Variants in RFT1 observed in about 807,000 individuals in gnomAD.
RFT1 encodes man(5)GlcNAc(2)-PP-dolichol translocation protein RFT1.
In RFT1, 43 loss-of-function variants were observed where a neutral mutation model predicts 62.2. The ratio of observed to expected loss-of-function variants is 0.69; its 90% CI spans 0.54 to 0.89. RFT1 has a LOEUF of 0.89. RFT1 is among the 40% of genes least tolerant of loss of function. The probability of loss-of-function intolerance (pLI) is 0.00; values close to 1 mark genes in which losing one functional copy is unlikely to be tolerated. For synonymous variants in RFT1, 262 were observed against 264.6 expected (o/e 0.99, Z 0.10); for missense variants, 605 against 649.9 (o/e 0.93, Z 0.75).
At position 53,122,573 on chromosome 3, in the gene RFT1, G is replaced by A; in HGVS notation, c.267-10C>T. On this transcript the variant is annotated splice_polypyrimidine_tract_variant and intron_variant, in intron 3 of 12. Transcript: ENST00000296292. ...CACACCCAGGGGGACTCTAGAAGAG[G>A]AGAAAAAAATAATTCACTAAATTTT... 3.9e-6 allele frequency: 6 copies of A among 1,544,648 alleles called. No homozygotes were observed. The highest frequency in any genetic ancestry group is 5.3e-6 in the Non-Finnish European group (6 of 1,142,332).
At chr3:53,081,086 G>A in the RFT1 span, among the ~76,000 whole-genome samples, 2 of 152,260 alleles carry the variant, frequency 1.3e-5, no homozygotes, top group Non-Finnish European at 2.9e-5. Context: ...GCTGGGGCAT[G>A]GGGAGAGGTG....
chr3:53,098,719 G>A (rs1264693136), intron 11 of RFT1, among the ~76,000 whole-genome samples: 4 of 146,934 alleles, frequency 2.7e-5, no homozygotes, highest in Admixed American at 7.0e-5. Context: ...GGAGAATGGC[G>A]TGAACCTGGG....
At chr3:53,120,984 C>A (rs570716532) in intron 5 of RFT1, among the ~76,000 whole-genome samples, 1 of 152,312 alleles carries the variant, frequency 6.6e-6, no homozygotes, top group East Asian at 1.9e-4. Flanking sequence ...GTGAGAAGTA[C>A]CCTTTACATA....
At chr3:53,113,697 A>G (rs1465418116) in intron 6 of RFT1, among the ~76,000 whole-genome samples, 3 of 152,236 alleles carry the variant, frequency 2.0e-5, no homozygotes, top group African/African-American at 7.2e-5. Flanking sequence ...CCTGTAAAAA[A>G]TATTTTTTTT....
intron 11 of RFT1, among the ~76,000 whole-genome samples, chr3:53,099,122 C>T (rs1001572006): frequency 6.6e-6 from 1 of 152,050 alleles, no homozygotes; most frequent in African/African-American, 2.4e-5. Context: ...ACTAATGTAA[C>T]CTTTCAGAGC....
chr3:53,111,965 G>A, intron 6 of RFT1, 57 bp from the exon 7 acceptor site: 1 of 1,372,696 alleles, frequency 7.3e-7, no homozygotes, highest in South Asian at 1.2e-5. Context: ...GTCTAAGAAT[G>A]CAATGCTACA....
At chr3:53,077,113 A>G in the RFT1 span, among the ~76,000 whole-genome samples, 4 of 152,234 alleles carry the variant, frequency 2.6e-5, no homozygotes, top group Non-Finnish European at 5.9e-5. Flanking sequence ...TTCAACCTTT[A>G]AAACTATGTA....
At chr3:53,081,935 C>A in the RFT1 span, among the ~76,000 whole-genome samples, 118 of 152,052 alleles carry the variant, frequency 7.8e-4, no homozygotes, top group African/African-American at 2.8e-3. Flanking sequence ...TCCAAACTTG[C>A]TGGATTTTTA....
the RFT1 span, among the ~76,000 whole-genome samples, chr3:53,076,210 C>T: frequency 2.6e-5 from 4 of 152,212 alleles, no homozygotes; most frequent in African/African-American, 9.6e-5. Context: ...ATAACTGTAC[C>T]TCCTTATCTA....
chr3:53,103,692 A>T, intron 10 of RFT1: 1 of 478,168 alleles, frequency 2.1e-6, no homozygotes, highest in Non-Finnish European at 3.8e-6. Flanking sequence ...CCCGAGAGGA[A>T]AGCCAACAGC....
intron 7 of RFT1, 22 bp downstream of exon 7, chr3:53,111,808 T>C: frequency 3.7e-6 from 6 of 1,602,656 alleles, no homozygotes; most frequent in Non-Finnish European, 5.1e-6. Flanking sequence ...CTCCCGACGA[T>C]TCAGAGTGAC....
At chr3:53,116,510 TCTCAAACTCCTGGG>T (rs887468282) in intron 6 of RFT1, among the ~76,000 whole-genome samples, 9 of 151,582 alleles carry the variant, frequency 5.9e-5, no homozygotes, top group Middle Eastern at 3.4e-3. Context: ...CCCAGGCTGG[TCTCAAACTCCTGGG>T]CTCAAGCAAT....
rs75238714 is a variant in RFT1 at position 53,116,129 on chromosome 3, G to A, written c.696+3755C>T. On this transcript the variant is annotated intron_variant, in intron 6 of 12. Coordinates refer to ENST00000296292, the MANE Select transcript of RFT1 (RefSeq NM_052859.4). ...GATGGAATTCTACAAGAACAGGAAG[G>A]GAAATCTTACAATTAAGTCAAATTG... Among the ~76,000 whole-genome samples, 411 of 152,222 alleles carry A rather than the reference G, an allele frequency of 2.7e-3. 2 individuals are homozygous for A. Among genetic ancestry groups the A allele is most frequent in the Non-Finnish European group, 3.6e-3 (243 of 68,018 alleles).
rs185019792 is a variant in RFT1 at position 53,111,845 on chromosome 3, G to A, written c.760C>T (p.Gln254Ter). Reference sequence around the variant, plus strand: ...GTCTACTTACCTTCTGTCAAAATCTGTTTCAAGAAAGACTGTTTGAAAAAA... The same window carrying A: ...GTCTACTTACCTTCTGTCAAAATCTATTTCAAGAAAGACTGTTTGAAAAAA... ...WSFFKQSFLK[Q>*]ILTEGERYVM... The change falls in exon 7 of 13, where the codon CAG (glutamine) becomes TAG (stop). Residue 254 changes from glutamine (Q) to a stop codon, truncating the protein, a stop_gained. Coordinates refer to ENST00000296292, the MANE Select transcript of RFT1 (RefSeq NM_052859.4). LOFTEE classifies it high-confidence loss of function. 6.8e-6 allele frequency: 11 copies of A among 1,613,790 alleles called. No homozygotes were observed. The highest frequency in any genetic ancestry group is 9.3e-6 in the Non-Finnish European group (11 of 1,179,744).
At chr3:53,129,056 GA>G (rs1308520693) in intron 1 of RFT1, among the ~76,000 whole-genome samples, 7 of 150,776 alleles carry the variant, frequency 4.6e-5, no homozygotes, top group African/African-American at 1.5e-4. Flanking sequence ...ATCAAAGGCT[GA>G]AAAAAAACCA....
intron 10 of RFT1, chr3:53,103,538 T>C (rs148166749): frequency 6.5e-4 from 144 of 221,830 alleles, no homozygotes; most frequent in African/African-American, 3.2e-3. Context: ...GAGGCTTTTA[T>C]GCACTAGGCT....
chr3:53,076,426 A>C, the RFT1 span, among the ~76,000 whole-genome samples: 1 of 152,248 alleles, frequency 6.6e-6, no homozygotes, highest in Non-Finnish European at 1.5e-5. Flanking sequence ...TAAAGTACAA[A>C]TATAAAAAAG....
At chr3:53,128,889 G>A (rs1359259791) in intron 1 of RFT1, among the ~76,000 whole-genome samples, 2 of 152,242 alleles carry the variant, frequency 1.3e-5, no homozygotes, top group African/African-American at 4.8e-5. Flanking sequence ...TAAATGCACA[G>A]GAAGCAAGAC....
intron 4 of RFT1, 117 bp downstream of exon 4, chr3:53,122,257 A>T: frequency 2.0e-6 from 2 of 990,524 alleles, no homozygotes; most frequent in South Asian, 1.4e-5. Flanking sequence ...TTTTCTAAAT[A>T]CATTTTTAGG....
Sources: gnomAD v4.1 joint callset for allele counts (sites outside exome capture counted in the v4.1 genomes callset) on GRCh38, gnomAD v4.1.1 for gene constraint, MANE v1.5 for transcripts, NCBI Gene and HGNC (gene_info 2026-07-23, HGNC 2026-07-21) for gene names.